Variants in RBFOX3 observed in about 807,000 individuals in gnomAD.
RBFOX3 encodes the protein RNA binding fox-1 homolog 3, also known as RNA binding protein fox-1 homolog 3.
In RBFOX3, 17 loss-of-function variants were observed where a neutral mutation model predicts 48.7. That is an observed-to-expected ratio of 0.35 (90% CI 0.24 to 0.52). The LOEUF is 0.52. Among genes scored for constraint, RBFOX3 ranks in the 20% least tolerant of loss-of-function variants. The pLI is 0.94. For synonymous variants in RBFOX3, 212 were observed against 209.5 expected (o/e 1.01, Z -0.10); for missense variants, 382 against 497.5 (o/e 0.77, Z 2.21).
chr17:79,616,444 G>A, the RBFOX3 span, among the ~76,000 whole-genome samples: 1 of 151,758 alleles, frequency 6.6e-6, no homozygotes, highest in Non-Finnish European at 1.5e-5. Flanking sequence ...GCTGAGGCAG[G>A]AGAGTCACTT....
intron 2 of RBFOX3, among the ~76,000 whole-genome samples, chr17:79,398,232 G>A (rs866592282): frequency 6.6e-6 from 1 of 152,142 alleles, no homozygotes; most frequent in Non-Finnish European, 1.5e-5. Context: ...AAGGAGGCCT[G>A]CAGAAACTCC....
intron 3 of RBFOX3, among the ~76,000 whole-genome samples, chr17:79,244,584 G>A (rs1313999216): frequency 6.6e-6 from 1 of 150,844 alleles, no homozygotes; most frequent in Non-Finnish European, 1.5e-5. Flanking sequence ...GGGCTTGCTG[G>A]GCCTGGTTCC....
At chr17:79,167,100 C>T (rs1475972332) in intron 4 of RBFOX3, among the ~76,000 whole-genome samples, 1 of 152,218 alleles carries the variant, frequency 6.6e-6, no homozygotes, top group Admixed American at 6.5e-5. Context: ...GGGCAACCTT[C>T]TCAGCTACTC....
the RBFOX3 span, among the ~76,000 whole-genome samples, chr17:79,629,112 C>T: frequency 0.4 from 61,057 of 152,142 alleles, 13,049 homozygotes; most frequent in African/African-American, 0.51. Flanking sequence ...CCTGCCCCCG[C>T]GCCCTGGGTG....
At chr17:79,414,941 C>T (rs907896) in intron 2 of RBFOX3, among the ~76,000 whole-genome samples, 41,798 of 152,036 alleles carry the variant, frequency 0.27, 6,507 homozygotes, top group Non-Finnish European at 0.36. Context: ...AGTCCAGCTC[C>T]CGTTCCCAGA....
intron 3 of RBFOX3, among the ~76,000 whole-genome samples, chr17:79,303,035 C>T (rs1018021398): frequency 3.3e-5 from 5 of 152,084 alleles, no homozygotes; most frequent in African/African-American, 1.2e-4. Context: ...GAGACCTCAT[C>T]TCTACAAAAA....
At chr17:79,344,838 G>T (rs996337837) in intron 2 of RBFOX3, among the ~76,000 whole-genome samples, 1 of 152,090 alleles carries the variant, frequency 6.6e-6, no homozygotes, top group African/African-American at 2.4e-5. Flanking sequence ...TTACAGGCAT[G>T]AGCCACCACG....
chr17:79,595,266 G>A (rs1157339230), intron 1 of RBFOX3, among the ~76,000 whole-genome samples: 1 of 152,178 alleles, frequency 6.6e-6, no homozygotes, highest in Non-Finnish European at 1.5e-5. Flanking sequence ...GCTCCCTGGA[G>A]AGCAGACTTG....
the RBFOX3 span, among the ~76,000 whole-genome samples, chr17:79,657,750 CA>C: frequency 0.94 from 143,477 of 152,192 alleles, 68,168 homozygotes; most frequent in Non-Finnish European, 1. Context: ...TGGGTCACCA[CA>C]AAAAATCAGC....
intron 1 of RBFOX3, among the ~76,000 whole-genome samples, chr17:79,609,197 TC>T (rs2093911955): frequency 6.6e-6 from 1 of 152,166 alleles, no homozygotes; most frequent in Non-Finnish European, 1.5e-5. Context: ...ACTTTTTTTT[TC>T]CATTATGTTT....
rs113019478 is a variant in RBFOX3, at chr17:79,304,836, T to G, written c.-74+2888A>C. On this transcript the variant is annotated intron_variant, in intron 3 of 14. Coordinates refer to ENST00000693108, the MANE Select transcript of RBFOX3 (RefSeq NM_001350451.2). ...AGGTGCTGGTGGCTGTTGGGTTATA[T>G]GAGGGAGAGCTGGCCGTGACACGGG... Among the ~76,000 whole-genome samples the G allele has an allele frequency of 3.9e-3, 592 of 152,326 alleles. 4 individuals are homozygous for G. Among genetic ancestry groups the G allele is most frequent in the African/African-American group, 0.014 (563 of 41,578 alleles).
At chr17:79,310,843 A>G (rs2076752552) in intron 2 of RBFOX3, among the ~76,000 whole-genome samples, 2 of 152,184 alleles carry the variant, frequency 1.3e-5, no homozygotes, top group South Asian at 4.2e-4. Context: ...AGGCCCATCC[A>G]TTGAACCCTG....
chr17:79,468,985 TGGATAGC>T (rs1308425636), intron 2 of RBFOX3, among the ~76,000 whole-genome samples: 2 of 82,772 alleles, frequency 2.4e-5, no homozygotes, highest in African/African-American at 7.5e-5. Flanking sequence ...GATGGATGGA[TGGATAGC>T]AGATAGGCAG....
chr17:79,403,658 G>C (rs1000251107), intron 2 of RBFOX3, among the ~76,000 whole-genome samples: 14 of 152,148 alleles, frequency 9.2e-5, no homozygotes, highest in Non-Finnish European at 1.6e-4. Context: ...GCAGGGCGGG[G>C]CTTGTTCCCT....
At chr17:79,319,638 G>A (rs917972710) in intron 2 of RBFOX3, among the ~76,000 whole-genome samples, 47 of 151,326 alleles carry the variant, frequency 3.1e-4, no homozygotes, top group Middle Eastern at 3.4e-3. Flanking sequence ...CTGGGCTGCT[G>A]GTCTTGTCTG....
chr17:79,269,236 G>A (rs145481695), intron 3 of RBFOX3, among the ~76,000 whole-genome samples: 1 of 152,326 alleles, frequency 6.6e-6, no homozygotes, highest in Non-Finnish European at 1.5e-5. Flanking sequence ...AAGAGGCCAG[G>A]ATGGATCCTC....
At chr17:79,274,782 G>A (rs2068415721) in intron 3 of RBFOX3, among the ~76,000 whole-genome samples, 1 of 152,010 alleles carries the variant, frequency 6.6e-6, no homozygotes, top group Non-Finnish European at 1.5e-5. Context: ...CGAAAGCCCA[G>A]GAGGCACGCT....
chr17:79,347,538 C>G (rs921128350), intron 2 of RBFOX3, among the ~76,000 whole-genome samples: 13 of 152,232 alleles, frequency 8.5e-5, no homozygotes, highest in Middle Eastern at 3.4e-3. Flanking sequence ...TAGAACTTTT[C>G]TATTTTCTTT....
intron 2 of RBFOX3, among the ~76,000 whole-genome samples, chr17:79,318,717 T>C (rs1479238517): frequency 1.3e-5 from 2 of 151,024 alleles, no homozygotes; most frequent in Non-Finnish European, 3.0e-5. Flanking sequence ...TAGCTGAGTG[T>C]GGTGGTGGGC....
Sources: gnomAD v4.1 joint callset for allele counts (sites outside exome capture counted in the v4.1 genomes callset) on GRCh38, gnomAD v4.1.1 for gene constraint, MANE v1.5 for transcripts, NCBI Gene and HGNC (gene_info 2026-07-23, HGNC 2026-07-21) for gene names.